Variants in SLC2A13 observed in about 807,000 individuals in gnomAD.
SLC2A13 encodes the protein solute carrier family 2 member 13, also known as proton myo-inositol cotransporter.
In SLC2A13, 32 loss-of-function variants were observed where a neutral mutation model predicts 64.4. The observed-to-expected ratio is 0.50, with a 90% CI of 0.37 to 0.67. The LOEUF is 0.67. Among genes scored for constraint, SLC2A13 ranks in the 30% least tolerant of loss-of-function variants. The pLI is 0.00. For synonymous variants in SLC2A13, 338 were observed against 327.1 expected (o/e 1.03, Z -0.36); for missense variants, 743 against 829.2 (o/e 0.90, Z 1.28).
chr12:39,790,114 A>C (rs933379330), intron 7 of SLC2A13, among the ~76,000 whole-genome samples: 2 of 59,364 alleles, frequency 3.4e-5, no homozygotes, highest in Non-Finnish European at 6.8e-5. Flanking sequence ...GATTCTGTGC[A>C]TTCTTTTGTG....
chr12:39,905,191 C>T (rs1945235863), intron 4 of SLC2A13, among the ~76,000 whole-genome samples: 1 of 152,062 alleles, frequency 6.6e-6, no homozygotes, highest in Admixed American at 6.6e-5. Flanking sequence ...TTTTATAATA[C>T]TCTGAACACT....
intron 7 of SLC2A13, among the ~76,000 whole-genome samples, chr12:39,788,951 G>A (rs1941282352): frequency 1.3e-5 from 2 of 152,046 alleles, no homozygotes; most frequent in African/African-American, 4.8e-5. Context: ...AATCTACTGT[G>A]TGTGTGTGCG....
chr12:39,928,294 C>A (rs1384827765), intron 4 of SLC2A13, among the ~76,000 whole-genome samples: 1 of 152,096 alleles, frequency 6.6e-6, no homozygotes, highest in Non-Finnish European at 1.5e-5. Context: ...CTTAATCTTA[C>A]TCATATTAGA....
chr12:40,073,532 T>G (rs1326865108), intron 1 of SLC2A13, among the ~76,000 whole-genome samples: 1 of 152,108 alleles, frequency 6.6e-6, no homozygotes, highest in African/African-American at 2.4e-5. Context: ...TACGTAGATC[T>G]GAGTTTCTGA....
Position 40,105,133 on chromosome 12 carries a change from G to A in SLC2A13, c.556+120C>T, listed in dbSNP as rs1285914445. 5.7e-6 allele frequency: 8 copies of A among 1,406,642 alleles called. No homozygotes were observed. The highest frequency in any genetic ancestry group is 1.8e-6 in the Non-Finnish European group (2 of 1,086,882). 87.1% of individuals were successfully genotyped at this position (1,406,642 alleles called of 1,614,324 possible). On this transcript the variant is annotated intron_variant, in intron 1 of 9. Transcript: ENST00000280871. The surrounding 1 kb of genome is among the most constrained non-coding windows in gnomAD (Gnocchi z 4.2). ...ATGGGCTCTGGAGGCCAGAGAAGTG[G>A]AGGATTCTCTGACCCTGGGAGACCA...
chr12:40,068,276 A>G (rs1937815197), intron 1 of SLC2A13: 2 of 382,052 alleles, frequency 5.2e-6, no homozygotes, highest in African/African-American at 2.2e-5. Context: ...GCATGCTTCT[A>G]AAGACATCAG....
At chr12:39,847,473 A>C (rs1033715780) in intron 6 of SLC2A13, among the ~76,000 whole-genome samples, 1 of 152,116 alleles carries the variant, frequency 6.6e-6, no homozygotes, top group Admixed American at 6.6e-5. Flanking sequence ...GAAGACTTCA[A>C]AGGGAGCTGA....
chr12:40,061,239 C>T (rs1340213872), intron 1 of SLC2A13, among the ~76,000 whole-genome samples: 4 of 152,006 alleles, frequency 2.6e-5, no homozygotes. Flanking sequence ...AGATCTAATA[C>T]ATATAAATGA....
At chr12:40,044,993 C>T (rs1392765812) in intron 2 of SLC2A13, among the ~76,000 whole-genome samples, 2 of 152,196 alleles carry the variant, frequency 1.3e-5, no homozygotes, top group African/African-American at 4.8e-5. Context: ...AAATATTTAA[C>T]TTCTCTAAGC....
At chr12:39,938,440 C>T (rs565020075) in intron 4 of SLC2A13, among the ~76,000 whole-genome samples, 330 of 151,406 alleles carry the variant, frequency 2.2e-3, no homozygotes, top group Non-Finnish European at 4.0e-3. Flanking sequence ...TTGTTTGTGT[C>T]CCCTTCAATC....
rs1464561545 is a variant in SLC2A13 at position 40,083,159 on chromosome 12, A to G, written c.556+22094T>C. Among the ~76,000 whole-genome samples, 4 of 152,010 alleles carry G rather than the reference A, an allele frequency of 2.6e-5. No homozygotes were observed. The East Asian group carries it at 7.7e-4, about 29-fold the overall frequency. On this transcript the variant is annotated intron_variant, in intron 1 of 9. Transcript: ENST00000280871. Reference sequence around the variant, plus strand: ...TATGTCACAGTTCTGTACTCAAAACATTTGCTGTGCCCCTTTGGGTCTGAA... The same window carrying G: ...TATGTCACAGTTCTGTACTCAAAACGTTTGCTGTGCCCCTTTGGGTCTGAA...
chr12:39,948,370 T>C lies in SLC2A13; in HGVS notation c.1034+2887A>G, dbSNP rs1057000813. 6.6e-5 allele frequency among the ~76,000 whole-genome samples: 10 copies of C among 152,040 alleles called. No individual in the cohort carries two copies. In the East Asian group the frequency reaches 1.5e-3, roughly 23 times the overall value. The stretch of plus-strand genomic sequence containing the variant: ...ATCTATATATATGATATACTGTCTA[T>C]AGATAAATATGGTAAAGGAAAAGAA... On this transcript the variant is annotated intron_variant, in intron 4 of 9. Coordinates refer to ENST00000280871, the MANE Select transcript of SLC2A13 (RefSeq NM_052885.4).
intron 6 of SLC2A13, among the ~76,000 whole-genome samples, chr12:39,840,651 A>T (rs1361224455): frequency 2.0e-5 from 3 of 151,898 alleles, no homozygotes; most frequent in African/African-American, 7.3e-5. Flanking sequence ...ATGTTCCTCT[A>T]TGCAACTTCC....
At chr12:39,945,790 T>C (rs920926772) in intron 4 of SLC2A13, among the ~76,000 whole-genome samples, 2 of 152,216 alleles carry the variant, frequency 1.3e-5, no homozygotes, top group Non-Finnish European at 2.9e-5. Context: ...GCAGTGGGCT[T>C]TGCTCTTCTC....
chr12:40,058,087 A>AGGTAGATT (rs1948362748), intron 1 of SLC2A13, among the ~76,000 whole-genome samples: 1 of 138,986 alleles, frequency 7.2e-6, no homozygotes, highest in Admixed American at 7.3e-5. Flanking sequence ...ATAGATAGAT[A>AGGTAGATT]GATTGATTTA....
intron 1 of SLC2A13, among the ~76,000 whole-genome samples, chr12:40,077,865 A>G (rs951667749): frequency 2.0e-5 from 3 of 152,154 alleles, no homozygotes; most frequent in South Asian, 2.1e-4. Context: ...CAGATATTTC[A>G]CTTCCCTGTA....
At chr12:40,000,955 C>G (rs1947313043) in intron 3 of SLC2A13, among the ~76,000 whole-genome samples, 1 of 152,212 alleles carries the variant, frequency 6.6e-6, no homozygotes, top group Non-Finnish European at 1.5e-5. Context: ...ATGAGTGCCA[C>G]ACACAGGCTG....
At chr12:39,976,819 A>C (rs778023414) in intron 3 of SLC2A13, among the ~76,000 whole-genome samples, 3 of 152,082 alleles carry the variant, frequency 2.0e-5, no homozygotes, top group Non-Finnish European at 2.9e-5. Flanking sequence ...CCAAACCAAA[A>C]CTTCCAACTT....
At chr12:39,981,030 C>A (rs1395549902) in intron 3 of SLC2A13, among the ~76,000 whole-genome samples, 2 of 151,884 alleles carry the variant, frequency 1.3e-5, no homozygotes, top group Admixed American at 1.3e-4. Flanking sequence ...TCACTCAAAG[C>A]CGCTCAACTA....
Sources: gnomAD v4.1 joint callset for allele counts (sites outside exome capture counted in the v4.1 genomes callset) on GRCh38, gnomAD v4.1.1 for gene constraint, Gnocchi (gnomAD v3.1) non-coding constraint, MANE v1.5 for transcripts, NCBI Gene and HGNC (gene_info 2026-07-23, HGNC 2026-07-21) for gene names.